Variants in WNK1 observed in about 807,000 individuals in gnomAD.
WNK1 encodes WNK lysine deficient protein kinase 1.
In WNK1, 38 loss-of-function variants were observed where a neutral mutation model predicts 222.8. The observed-to-expected ratio is 0.17, with a 90% CI of 0.13 to 0.22. WNK1 has a LOEUF of 0.22. WNK1 is among the 10% of genes least tolerant of loss of function. The pLI, the probability that WNK1 is intolerant of heterozygous loss-of-function variation, is 1.00. For synonymous variants in WNK1, 1,090 were observed against 1,092.9 expected (o/e 1.00, Z 0.05); for missense variants, 2,348 against 2,918.4 (o/e 0.80, Z 4.50).
chr12:853,292 T>C (rs187798504), intron 4 of WNK1, among the ~76,000 whole-genome samples: 12 of 152,344 alleles, frequency 7.9e-5, no homozygotes, highest in African/African-American at 2.6e-4. Context: ...TAATATCTTT[T>C]GCGCAGTGAG....
intron 4 of WNK1, among the ~76,000 whole-genome samples, chr12:841,740 G>A (rs1349969588): frequency 6.6e-6 from 1 of 152,172 alleles, no homozygotes; most frequent in African/African-American, 2.4e-5. Context: ...ATCTAGTGAG[G>A]TTCTGTTCCT....
chr12:838,449 C>G (rs1381872583), intron 4 of WNK1, among the ~76,000 whole-genome samples: 1 of 152,124 alleles, frequency 6.6e-6, no homozygotes, highest in African/African-American at 2.4e-5. Flanking sequence ...GAATCTCACT[C>G]TGTCACCCAG....
intron 2 of WNK1, among the ~76,000 whole-genome samples, chr12:824,240 A>G (rs1199241884): frequency 7.3e-5 from 9 of 124,012 alleles, no homozygotes; most frequent in Non-Finnish European, 1.0e-4. Flanking sequence ...TTTTTGTCCT[A>G]TCTGCACTGA....
chr12:797,948 C>CAA (rs10542152), intron 1 of WNK1, among the ~76,000 whole-genome samples: 74 of 123,858 alleles, frequency 6.0e-4, no homozygotes, highest in Middle Eastern at 4.2e-3. Context: ...GACTCTGTCT[C>CAA]AAAAAAAAAA....
At chr12:894,387 T>C (rs545069995) in intron 22 of WNK1, among the ~76,000 whole-genome samples, 175 bp from the exon 23 acceptor site, 2 of 152,318 alleles carry the variant, frequency 1.3e-5, no homozygotes, top group South Asian at 4.1e-4. Context: ...GAGCAAACAA[T>C]AACTCTTTTC....
At chr12:772,404 GGTGTGTGT>G (rs372617624) in intron 1 of WNK1, among the ~76,000 whole-genome samples, 8 of 117,568 alleles carry the variant, frequency 6.8e-5, no homozygotes, top group African/African-American at 2.4e-4. Flanking sequence ...TCATAATTGG[GGTGTGTGT>G]GTGTGTGTGT....
rs200213989 is a variant in WNK1, at chr12:801,874, G to T, written c.760-11768G>T. Among the ~76,000 whole-genome samples, 13 of 152,270 alleles carry T rather than the reference G, an allele frequency of 8.5e-5. No individual in the cohort carries two copies. In the East Asian group the frequency reaches 2.5e-3, roughly 29 times the overall value. On this transcript the variant is annotated intron_variant, in intron 1 of 27. Coordinates refer to ENST00000315939, the MANE Select transcript of WNK1 (RefSeq NM_018979.4). ...GAGAAATACTTATACATTTCAATTT[G>T]TACAATGTGTATTTACTTTGTTTTT... is the stretch of plus-strand genomic sequence containing the variant.
rs1049629753 is a variant in WNK1, at chr12:830,588, A to G, written c.1311+428A>G. 7.9e-5 allele frequency among the ~76,000 whole-genome samples: 12 copies of G among 152,220 alleles called. 1 individual carries two copies. The highest frequency in any genetic ancestry group is 2.6e-4 in the Admixed American group (4 of 15,288). ...GTTGATTTATTAAATCTTATATATT[A>G]GTACCTACCATATTTAAGGCATAAA... On this transcript the variant is annotated intron_variant, in intron 4 of 27. Coordinates refer to ENST00000315939, the MANE Select transcript of WNK1 (RefSeq NM_018979.4).
chr12:861,989 A>G, intron 7 of WNK1, 94 bp from the exon 8 acceptor site: 1 of 1,387,866 alleles, frequency 7.2e-7, no homozygotes, highest in Non-Finnish European at 1.0e-6. Context: ...AGTTACCCCT[A>G]ATATAATGGG....
chr12:897,831 T>TA lies in WNK1; in HGVS notation c.6448+151dup, dbSNP rs1954881369. ...TTTTTGCTTCCTTGACTGCTGTACT[T>TA]ACATTTATTGTACCTCTTTTTGAGT... On this transcript the variant is annotated intron_variant, in intron 25 of 27. Transcript: ENST00000315939. The TA allele has an allele frequency of 7.9e-6, 6 of 763,540 alleles. No homozygotes were observed. The East Asian group carries it at 1.3e-4, about 17-fold the overall frequency. The allele number at this position is 763,540 out of a possible 1,614,324, so 47.3% of individuals were successfully genotyped here.
At chr12:769,708 G>A (rs929135697) in intron 1 of WNK1, among the ~76,000 whole-genome samples, 5 of 152,086 alleles carry the variant, frequency 3.3e-5, no homozygotes, top group South Asian at 2.1e-4. Context: ...GCCTGTTTTC[G>A]GTGAAGAATT....
chr12:800,127 G>C (rs1370853756), intron 1 of WNK1, among the ~76,000 whole-genome samples: 1 of 152,112 alleles, frequency 6.6e-6, no homozygotes, highest in African/African-American at 2.4e-5. Flanking sequence ...CTGGGCAACA[G>C]AGTAAGACCC....
Position 909,054 on chromosome 12 carries a change from T to C in WNK1, c.*262T>C, listed in dbSNP as rs1032643487. ...CAGACCATGCTTTCCTGTTTATCTA[T>C]ACTCAGTAATGAGGATGAGGGCTAG... On this transcript the variant is annotated 3_prime_UTR_variant, in exon 28 of 28. Coordinates refer to ENST00000315939, the MANE Select transcript of WNK1 (RefSeq NM_018979.4). 1.6e-5 allele frequency: 8 copies of C among 493,816 alleles called. No individual in the cohort carries two copies. Among genetic ancestry groups the C allele is most frequent in the African/African-American group, 5.8e-5 (3 of 51,578 alleles). 30.6% of individuals were successfully genotyped at this position (493,816 alleles called of 1,614,324 possible). A position where few individuals can be genotyped will look rare whatever the true frequency, so the allele number is the denominator to read the frequency against.
At chr12:826,880 T>A (rs1948400903) in intron 2 of WNK1, among the ~76,000 whole-genome samples, 162 bp from the exon 3 acceptor site, 1 of 152,240 alleles carries the variant, frequency 6.6e-6, no homozygotes, top group Non-Finnish European at 1.5e-5. Flanking sequence ...TAAACTATCA[T>A]AGCCCTGCTT....
rs1363509239 is a variant in WNK1, at chr12:867,873, C to T, written c.2140-3392C>T. 3.7e-6 allele frequency: 6 copies of T among 1,613,762 alleles called. No individual in the cohort carries two copies. The African/African-American group carries it at 8.0e-5, about 22-fold the overall frequency. On this transcript the variant is annotated intron_variant, in intron 8 of 27. Transcript: ENST00000315939. The stretch of plus-strand genomic sequence containing the variant: ...TTATTCATGTTGATACAGCCTCAGT[C>T]CATGGCGCATCCGTGTGGGGGGACC...
At chr12:762,740 T>C (rs1414858749) in intron 1 of WNK1, among the ~76,000 whole-genome samples, 1 of 147,498 alleles carries the variant, frequency 6.8e-6, no homozygotes, top group Non-Finnish European at 1.5e-5. Flanking sequence ...GGTTATTTTT[T>C]TCTCCTGCTT....
At chr12:907,320 C>CAAA (rs58787108) in intron 26 of WNK1, among the ~76,000 whole-genome samples, 5,213 of 121,202 alleles carry the variant, frequency 0.043, 263 homozygotes, top group African/African-American at 0.12. Flanking sequence ...GACTCCATCT[C>CAAA]AAAAAAAAAA....
intron 4 of WNK1, among the ~76,000 whole-genome samples, chr12:843,937 T>A (rs1178882741): frequency 6.6e-6 from 1 of 152,214 alleles, no homozygotes; most frequent in Non-Finnish European, 1.5e-5. Context: ...ATTTGGTTAA[T>A]TAAATAAAAA....
rs1954717328 is a variant in WNK1, at chr12:896,156, C to T, written c.5669C>T (p.Ser1890Leu). The T allele has an allele frequency of 1.9e-6, 3 of 1,614,218 alleles. No homozygotes were observed. The highest frequency in any genetic ancestry group is 3.3e-5 in the Admixed American group (2 of 60,028). The change falls in exon 24 of 28, where the codon TCA becomes TTA. Residue 1890 changes from serine (S) to leucine (L), a missense_variant. This residue lies in a region of WNK1 where 1,144 missense variants were observed against 1,273.6 expected (regional missense o/e 0.90). Coordinates refer to ENST00000315939, the MANE Select transcript of WNK1 (RefSeq NM_018979.4). ...TCTGTTCATTTTGAATCCAGCACCTCAGAGTCCTCAGTGCTATCAAGTAGT... is the reference window on the plus strand; with the variant it reads ...TCTGTTCATTTTGAATCCAGCACCTTAGAGTCCTCAGTGCTATCAAGTAGT... ...AKSVHFESST[S>L]ESSVLSSSSP... is the part of the protein sequence containing the mutation.
Sources: allele counts gnomAD v4.1 joint callset (sites outside exome capture counted in the v4.1 genomes callset), GRCh38; gene constraint gnomAD v4.1.1; regional missense constraint gnomAD v4.1.1; transcripts MANE v1.5; gene names NCBI Gene and HGNC (gene_info 2026-07-23, HGNC 2026-07-21).